Variants in FAT3 observed in about 807,000 individuals in gnomAD.
FAT3 encodes the protein FAT atypical cadherin 3.
Under a neutral mutation model 310.2 loss-of-function variants are expected in FAT3, and 95 were observed. The ratio of observed to expected loss-of-function variants is 0.31; its 90% CI spans 0.26 to 0.36. The LOEUF (loss-of-function observed/expected upper bound fraction) is 0.36, where lower values mean the gene tolerates loss of function less well. FAT3 is among the 10% of genes least tolerant of loss of function. The pLI, the probability that FAT3 is intolerant of heterozygous loss-of-function variation, is 1.00. For missense variants in FAT3, 5,408 were observed against 5,715.6 expected (o/e 0.95, Z 1.74); for synonymous variants, 2,314 against 2,192.9 (o/e 1.06, Z -1.54).
At chr11:92,648,897 C>A (rs1239379694) in intron 3 of FAT3, among the ~76,000 whole-genome samples, 1 of 152,210 alleles carries the variant, frequency 6.6e-6, no homozygotes, top group African/African-American at 2.4e-5. Flanking sequence ...CGGAATACTG[C>A]AAAGTATCTC....
At chr11:92,389,007 C>T (rs1237045050) in intron 2 of FAT3, among the ~76,000 whole-genome samples, 1 of 152,172 alleles carries the variant, frequency 6.6e-6, no homozygotes, top group Non-Finnish European at 1.5e-5. Flanking sequence ...TCTCCTGGAA[C>T]ATCTTCAGGG....
intron 1 of FAT3, among the ~76,000 whole-genome samples, chr11:92,254,810 T>A (rs1305311247): frequency 6.6e-6 from 1 of 151,224 alleles, no homozygotes; most frequent in African/African-American, 2.4e-5. Context: ...GGTTGAAGAG[T>A]TTCTCCTGCC....
intron 3 of FAT3, among the ~76,000 whole-genome samples, chr11:92,695,334 T>A (rs964035443): frequency 1.3e-5 from 2 of 152,020 alleles, no homozygotes; most frequent in Non-Finnish European, 2.9e-5. Flanking sequence ...AAATCCATGT[T>A]TTTTACGTTT....
intron 3 of FAT3, among the ~76,000 whole-genome samples, chr11:92,678,535 T>A (rs1943364496): frequency 6.6e-6 from 1 of 152,198 alleles, no homozygotes; most frequent in South Asian, 2.1e-4. Context: ...CACTGGGGAT[T>A]AAGTTTCCCA....
At chr11:92,351,780 T>C (rs1299216976) in intron 1 of FAT3, among the ~76,000 whole-genome samples, 2 of 152,138 alleles carry the variant, frequency 1.3e-5, no homozygotes, top group African/African-American at 4.8e-5. Flanking sequence ...AGGCTTCCAA[T>C]ATATCTCTAA....
chr11:92,241,157 T>TA (rs1361423964), intron 1 of FAT3, among the ~76,000 whole-genome samples: 1 of 152,100 alleles, frequency 6.6e-6, no homozygotes, highest in African/African-American at 2.4e-5. Context: ...TGGCCAAACT[T>TA]ACTAAGCATT....
At chr11:92,613,188 T>C (rs1360883133) in intron 3 of FAT3, among the ~76,000 whole-genome samples, 1 of 152,088 alleles carries the variant, frequency 6.6e-6, no homozygotes, top group African/African-American at 2.4e-5. Context: ...TTGTTTAGAA[T>C]AATGCCTCTT....
At chr11:92,470,742 G>A (rs901447841) in intron 2 of FAT3, among the ~76,000 whole-genome samples, 1 of 152,146 alleles carries the variant, frequency 6.6e-6, no homozygotes, top group Non-Finnish European at 1.5e-5. Flanking sequence ...GGTCCTATTT[G>A]TAGCTTTCAG....
chr11:92,652,284 A>G (rs1591566974), intron 3 of FAT3, among the ~76,000 whole-genome samples: 1 of 151,960 alleles, frequency 6.6e-6, no homozygotes, highest in South Asian at 2.1e-4. Context: ...TCTGGAAAAG[A>G]CCTCCATTCT....
intron 4 of FAT3, among the ~76,000 whole-genome samples, chr11:92,700,066 G>A (rs1297142238): frequency 6.6e-6 from 1 of 152,110 alleles, no homozygotes; most frequent in Non-Finnish European, 1.5e-5. Flanking sequence ...GGAAGCACAT[G>A]GAAATGAATA....
chr11:92,503,399 T>C (rs1243877566), intron 2 of FAT3, among the ~76,000 whole-genome samples: 1 of 152,132 alleles, frequency 6.6e-6, no homozygotes, highest in Non-Finnish European at 1.5e-5. Context: ...TAGTAAATAG[T>C]GTTTACTATC....
At chr11:92,760,874 C>T (rs1311938125) in intron 4 of FAT3, among the ~76,000 whole-genome samples, 1 of 152,156 alleles carries the variant, frequency 6.6e-6, no homozygotes, top group African/African-American at 2.4e-5. Context: ...TCTTTTCTAT[C>T]TCAATTTTCA....
intron 2 of FAT3, among the ~76,000 whole-genome samples, chr11:92,421,608 A>G (rs527487055): frequency 1.3e-5 from 2 of 152,356 alleles, no homozygotes; most frequent in Admixed American, 1.3e-4. Flanking sequence ...CTCTAAGCAG[A>G]CTTGAAGAGG....
In FAT3 at chr11:92,892,899, G is replaced by A. The variant is rs544520406; in HGVS notation, c.*1786G>A. On this transcript the variant is annotated 3_prime_UTR_variant, in exon 28 of 28. Transcript: ENST00000525166. ...AACAATCCAGTCCTCAAAACTGAAA[G>A]TTGACAGGTTGAGGGACTTTCCTTT... 2 of 152,128 alleles carry A rather than the reference G, an allele frequency of 1.3e-5. No individual in the cohort carries two copies. The highest frequency in any genetic ancestry group is 2.9e-5 in the Non-Finnish European group (2 of 68,022). 9.4% of individuals were successfully genotyped at this position (152,128 alleles called of 1,614,324 possible).
At position 92,697,396 on chromosome 11, in the gene FAT3, C is replaced by T. The variant is rs2135906796; in HGVS notation, c.3620C>T (p.Thr1207Ile). 6.2e-7 allele frequency: 1 copy of T among 1,613,804 alleles called. No homozygotes were observed. The highest frequency in any genetic ancestry group is 1.1e-5 in the South Asian group (1 of 91,076). The change falls in exon 4 of 28, where the codon ACA becomes ATA. Residue 1207 changes from threonine (T) to isoleucine (I), a missense_variant. Coordinates refer to ENST00000525166, the MANE Select transcript of FAT3 (RefSeq NM_001367949.2). ...AINIKTGLIT[T>I]TSRKLDREQQ... ...CATTTCTACACAGGTCTGATTACAA[C>T]AACTTCAAGGAAATTGGATCGAGAA...
At chr11:92,318,826 C>G (rs765518170) in intron 1 of FAT3, among the ~76,000 whole-genome samples, 5 of 152,098 alleles carry the variant, frequency 3.3e-5, no homozygotes, top group Non-Finnish European at 7.4e-5. Context: ...AGACACTGGC[C>G]AAGGAGGGTG....
Position 92,524,658 on chromosome 11 carries a change from T to A in FAT3, c.3317T>A (p.Leu1106His). 6.2e-7 allele frequency: 1 copy of A among 1,613,534 alleles called. No homozygotes were observed. The highest frequency in any genetic ancestry group is 8.5e-7 in the Non-Finnish European group (1 of 1,179,528). Residue 1106 changes from leucine to histidine, a missense_variant, in exon 3 of 28, where the codon CTT becomes CAT. Leu to His is a moderately conservative substitution (Grantham distance 99). This residue lies in a region of FAT3 where 4,588 missense variants were observed against 4,809.8 expected (regional missense o/e 0.95). Coordinates refer to ENST00000525166, the MANE Select transcript of FAT3 (RefSeq NM_001367949.2). ...GGGGTCATCACTGCCGCAGACATTC[T>A]TGATCGGGAGACAATGGGGTCATAC... ...ESGVITAADILDRETMGSYWL... is the reference protein window; with the variant it reads ...ESGVITAADIHDRETMGSYWL...
intron 3 of FAT3, among the ~76,000 whole-genome samples, chr11:92,649,231 TA>T (rs1942280507): frequency 1.3e-5 from 2 of 152,188 alleles, no homozygotes; most frequent in Non-Finnish European, 2.9e-5. Context: ...TTATGAATCT[TA>T]AAATGGAAGT....
At position 92,849,912 on chromosome 11, in the gene FAT3, G is replaced by A. The variant is rs183514569; in HGVS notation, c.11365+5180G>A. 3.1e-3 allele frequency among the ~76,000 whole-genome samples: 467 copies of A among 152,326 alleles called. 2 individuals are homozygous for A. Among genetic ancestry groups the A allele is most frequent in the Non-Finnish European group, 4.9e-3 (332 of 68,030 alleles). On this transcript the variant is annotated intron_variant, in intron 19 of 27. Coordinates refer to ENST00000525166, the MANE Select transcript of FAT3 (RefSeq NM_001367949.2). ...TGGGCAAATGACAGAGAGCTCAGTG[G>A]GGTGGGTGGTAAGAAGTCAGGACAG...
Sources: allele counts gnomAD v4.1 joint callset (sites outside exome capture counted in the v4.1 genomes callset), GRCh38; gene constraint gnomAD v4.1.1; regional missense constraint gnomAD v4.1.1; transcripts MANE v1.5; gene names NCBI Gene and HGNC (gene_info 2026-07-23, HGNC 2026-07-21).